Variants in CABLES1 observed in about 807,000 individuals in gnomAD.
CABLES1 encodes the protein Cdk5 and Abl enzyme substrate 1.
A neutral mutation model predicts 57.8 loss-of-function variants in CABLES1; 36 were observed. That is an observed-to-expected ratio of 0.62 (90% confidence interval 0.48 to 0.82). The LOEUF (loss-of-function observed/expected upper bound fraction) is 0.82. Ranked by LOEUF, CABLES1 falls within the 40% of genes least tolerant of loss-of-function variation. The pLI is 0.00. For missense variants in CABLES1, 767 were observed against 836.6 expected (o/e 0.92, Z 1.03); for synonymous variants, 374 against 363.0 (o/e 1.03, Z -0.35).
chr18:23,200,767 G>C (rs769449748), intron 3 of CABLES1, among the ~76,000 whole-genome samples: 1 of 152,190 alleles, frequency 6.6e-6, no homozygotes, highest in Non-Finnish European at 1.5e-5. Context: ...TCTAGATTGC[G>C]GCAAAATGTC....
chr18:23,256,474 G>A (rs958151184), intron 9 of CABLES1, among the ~76,000 whole-genome samples: 2 of 152,140 alleles, frequency 1.3e-5, no homozygotes, highest in Non-Finnish European at 1.5e-5. Context: ...TGCGTGGTTT[G>A]CTTTATTATT....
chr18:23,246,399 GT>G (rs932715035), intron 7 of CABLES1, among the ~76,000 whole-genome samples: 6 of 148,862 alleles, frequency 4.0e-5, no homozygotes, highest in South Asian at 2.1e-4. Flanking sequence ...TTGTTTTTTG[GT>G]TTTTTTTTTG....
chr18:23,138,462 C>G (rs1339255069), intron 1 of CABLES1, among the ~76,000 whole-genome samples: 7 of 152,170 alleles, frequency 4.6e-5, no homozygotes, highest in Admixed American at 4.6e-4. Flanking sequence ...ACCTGATAGG[C>G]TTTTATAAAA....
intron 4 of CABLES1, among the ~76,000 whole-genome samples, chr18:23,228,943 A>T (rs746513380): frequency 3.7e-4 from 56 of 152,096 alleles, no homozygotes; most frequent in Non-Finnish European, 6.5e-4. Context: ...GTTCCTTGCC[A>T]GTAGTTCAGT....
intron 1 of CABLES1, among the ~76,000 whole-genome samples, chr18:23,166,762 T>A (rs2047045637): frequency 6.6e-6 from 1 of 152,176 alleles, no homozygotes; most frequent in Non-Finnish European, 1.5e-5. Context: ...GTTATCAGTG[T>A]CGTTTCTTCA....
rs375206950 is a variant in CABLES1, at chr18:23,137,670, G to A, written c.845+1063G>A. ...AAGCTTGATCTGGCCCAAGTAAGAA[G>A]GTGCCTATGGGAAAACTTAACTTCC... On this transcript the variant is annotated intron_variant, in intron 1 of 9. Coordinates refer to ENST00000256925, the MANE Select transcript of CABLES1 (RefSeq NM_001100619.3). Among the ~76,000 whole-genome samples the A allele has an allele frequency of 3.4e-4, 52 of 152,308 alleles. No individual in the cohort carries two copies. In the South Asian group the frequency reaches 0.01, roughly 30 times the overall value.
In CABLES1 at chr18:23,234,572, A is replaced by G. The variant is rs747525843; in HGVS notation, c.1089-36A>G. ...CCTCATGGCTCTTTGAGGTGCACAC[A>G]AAAGCATTTTTTTTTCCTCTGACTT... is the stretch of plus-strand genomic sequence containing the variant. On this transcript the variant is annotated intron_variant, in intron 4 of 9. Transcript: ENST00000256925. 1.4e-5 allele frequency: 22 copies of G among 1,548,056 alleles called. No homozygotes were observed. The South Asian group carries it at 2.2e-4, about 16-fold the overall frequency.
At chr18:23,161,847 G>A (rs1021194256) in intron 1 of CABLES1, among the ~76,000 whole-genome samples, 10 of 151,516 alleles carry the variant, frequency 6.6e-5, no homozygotes, top group Non-Finnish European at 8.8e-5. Flanking sequence ...GGGTGAACCC[G>A]GGAGGCGGAG....
At chr18:23,231,912 G>A (rs2047569721) in intron 4 of CABLES1, among the ~76,000 whole-genome samples, 1 of 152,160 alleles carries the variant, frequency 6.6e-6, no homozygotes, top group Admixed American at 6.5e-5. Flanking sequence ...GCCAGGACAA[G>A]GCTGCCCCGG....
intron 2 of CABLES1, among the ~76,000 whole-genome samples, chr18:23,190,125 A>G (rs752193839): frequency 6.6e-6 from 1 of 152,192 alleles, no homozygotes; most frequent in Non-Finnish European, 1.5e-5. Context: ...GGAGAAGGCC[A>G]TTTCCCTGCA....
intron 3 of CABLES1, among the ~76,000 whole-genome samples, chr18:23,201,726 G>T (rs2047326567): frequency 6.6e-6 from 1 of 152,156 alleles, no homozygotes; most frequent in African/African-American, 2.4e-5. Flanking sequence ...TGTGACTATT[G>T]GGATGTATCC....
chr18:23,154,065 T>C (rs908996076), intron 1 of CABLES1, among the ~76,000 whole-genome samples: 1 of 152,186 alleles, frequency 6.6e-6, no homozygotes, highest in East Asian at 1.9e-4. Context: ...TCAGATTTCA[T>C]TTATTCAATT....
chr18:23,229,422 TA>T (rs758686148), intron 4 of CABLES1, among the ~76,000 whole-genome samples: 1 of 150,494 alleles, frequency 6.6e-6, no homozygotes, highest in African/African-American at 2.4e-5. Flanking sequence ...CAAAAATTAT[TA>T]AAAAATAAAT....
At chr18:23,188,687 G>T in intron 1 of CABLES1, 151 bp from the exon 2 acceptor site, 1 of 663,202 alleles carries the variant, frequency 1.5e-6, no homozygotes. Flanking sequence ...GTGCAGGGTG[G>T]GAACATGGCA....
At position 23,189,048 on chromosome 18, in the gene CABLES1, C is replaced by G. The variant is rs2047223039; in HGVS notation, c.917+139C>G. ...AACTCCAGGGACTATGGGACATCTC[C>G]TAGTGTCTAACCCACCTCTGAAGAC... is the stretch of plus-strand genomic sequence containing the variant. On this transcript the variant is annotated intron_variant, in intron 2 of 9. Transcript: ENST00000256925. 4.9e-6 allele frequency: 3 copies of G among 615,870 alleles called. No homozygotes were observed. The Admixed American group carries it at 8.9e-5, about 18-fold the overall frequency. 38.2% of individuals were successfully genotyped at this position (615,870 alleles called of 1,614,324 possible). A position where few individuals can be genotyped will look rare whatever the true frequency, so the allele number is the denominator to read the frequency against.
At chr18:23,245,669 AGGCAG>A (rs1398148220) in intron 7 of CABLES1, among the ~76,000 whole-genome samples, 1 of 152,204 alleles carries the variant, frequency 6.6e-6, no homozygotes, top group East Asian at 1.9e-4. Context: ...AGGGCAGGCC[AGGCAG>A]GGCCTCCTTG....
chr18:23,161,630 G>A (rs1192513889), intron 1 of CABLES1, among the ~76,000 whole-genome samples: 2 of 151,138 alleles, frequency 1.3e-5, no homozygotes, highest in African/African-American at 4.9e-5. Context: ...GATAATCGGG[G>A]CCGGGTGCAG....
At chr18:23,199,035 G>T (rs182351242) in intron 3 of CABLES1, among the ~76,000 whole-genome samples, 61 of 152,322 alleles carry the variant, frequency 4.0e-4, no homozygotes, top group Non-Finnish European at 7.8e-4. Flanking sequence ...AAATCCATAT[G>T]CAGTAAGATA....
intron 7 of CABLES1, among the ~76,000 whole-genome samples, chr18:23,249,846 G>A (rs1242349916): frequency 1.3e-5 from 2 of 152,248 alleles, no homozygotes; most frequent in Admixed American, 6.5e-5. Flanking sequence ...TGCTTATTCA[G>A]TACCATGAAG....
Sources: allele counts gnomAD v4.1 joint callset (sites outside exome capture counted in the v4.1 genomes callset), GRCh38; gene constraint gnomAD v4.1.1; transcripts MANE v1.5; gene names NCBI Gene and HGNC (gene_info 2026-07-23, HGNC 2026-07-21).